The following CEPT1 variants were observed in gnomAD, a reference collection of about 807,000 sequenced individuals.
The protein encoded by CEPT1 is choline/ethanolaminephosphotransferase 1.
CEPT1 carries 7 observed loss-of-function variants against 42.6 expected under a neutral mutation model. The observed-to-expected ratio is 0.16, with a 90% CI of 0.09 to 0.31. The LOEUF (loss-of-function observed/expected upper bound fraction) is 0.31, where lower values mean the gene tolerates loss of function less well. Ranked by LOEUF, CEPT1 falls within the 10% of genes least tolerant of loss-of-function variation. The probability of loss-of-function intolerance (pLI) is 1.00; values close to 1 mark genes in which losing one functional copy is unlikely to be tolerated. For synonymous variants in CEPT1, 171 were observed against 171.9 expected (o/e 0.99, Z 0.04); for missense variants, 306 against 502.1 (o/e 0.61, Z 3.73).
Position 111,147,803 on chromosome 1 carries a change from G to A in CEPT1, c.89G>A (p.Cys30Tyr). ...VGFGHMSTTG[C>Y]VLNKLFQLPT... ...TTCGGGCATATGAGTACTACAGGAT[G>A]TGTATTAAATAAATTGTTTCAGTTA... The change falls in exon 2 of 9, where the codon TGT becomes TAT. Residue 30 changes from cysteine (C) to tyrosine (Y), a missense_variant. Cys to Tyr is a radical substitution (Grantham distance 194, BLOSUM62 -2). Coordinates refer to ENST00000357172, the MANE Select transcript of CEPT1 (RefSeq NM_006090.5). 1 of 1,614,104 alleles carries A rather than the reference G, an allele frequency of 6.2e-7. No individual in the cohort carries two copies. Among genetic ancestry groups the A allele is most frequent in the Non-Finnish European group, 8.5e-7 (1 of 1,180,010 alleles).
chr1:111,150,598 A>G (rs1047196497), intron 2 of CEPT1, among the ~76,000 whole-genome samples: 2 of 152,150 alleles, frequency 1.3e-5, no homozygotes, highest in Non-Finnish European at 2.9e-5. Context: ...TTTCATGTCT[A>G]CATGTATAGT....
At chr1:111,165,072 C>G (rs1445930221) in intron 4 of CEPT1, among the ~76,000 whole-genome samples, 1 of 91,690 alleles carries the variant, frequency 1.1e-5, no homozygotes, top group African/African-American at 4.5e-5. Flanking sequence ...TTTTTTGAGA[C>G]GGAGTCTCAC....
chr1:111,183,725 CTG>C (rs1657111846), intron 8 of CEPT1, 138 bp downstream of exon 8: 1 of 929,486 alleles, frequency 1.1e-6, no homozygotes, highest in Admixed American at 2.3e-5. Context: ...ATAAATGGGG[CTG>C]TGTGAGAGTT....
chr1:111,140,962 C>T (rs971389834), intron 1 of CEPT1, among the ~76,000 whole-genome samples: 7 of 152,204 alleles, frequency 4.6e-5, no homozygotes, highest in African/African-American at 1.7e-4. Context: ...TGAACGGGAT[C>T]TTTAGCCATG....
intron 1 of CEPT1, among the ~76,000 whole-genome samples, chr1:111,145,758 G>A (rs1182449074): frequency 6.6e-6 from 1 of 152,222 alleles, no homozygotes; most frequent in Non-Finnish European, 1.5e-5. Context: ...GGCAGCAGGA[G>A]CACCATGTTG....
intron 1 of CEPT1, among the ~76,000 whole-genome samples, chr1:111,146,613 C>G (rs1654982132): frequency 1.3e-5 from 2 of 152,096 alleles, no homozygotes; most frequent in South Asian, 4.1e-4. Context: ...GATCACTGTA[C>G]TTACTAATTT....
chr1:111,161,043 G>A, intron 3 of CEPT1, 112 bp from the exon 4 acceptor site: 5 of 1,050,980 alleles, frequency 4.8e-6, no homozygotes, highest in Non-Finnish European at 7.3e-6. Context: ...ATAGATAACT[G>A]AGAGAAGATT....
At chr1:111,140,513 C>T (rs1488035316) in intron 1 of CEPT1, 3 of 151,826 alleles carry the variant, frequency 2.0e-5, no homozygotes, top group Non-Finnish European at 4.4e-5. Context: ...GCCCCCTTGC[C>T]CCTCTGTGGA....
At chr1:111,182,700 C>T in intron 6 of CEPT1, 99 bp from the exon 7 acceptor site, 2 of 1,099,802 alleles carry the variant, frequency 1.8e-6, no homozygotes, top group South Asian at 3.5e-5. Context: ...CCATGAGGTT[C>T]CTGAAAGTTT....
In CEPT1 at chr1:111,171,002, A is replaced by G. The variant is rs75234664; in HGVS notation, c.630-3877A>G. Among the ~76,000 whole-genome samples the G allele has an allele frequency of 8.1e-3, 1,227 of 152,326 alleles. 16 individuals are homozygous for G. The highest frequency in any genetic ancestry group is 0.028 in the African/African-American group (1,173 of 41,582). ...AACTGCAAGTGTATCTTTGAAATGC[A>G]TATGTCACATGTAGAAGAACAATAG... On this transcript the variant is annotated intron_variant, in intron 4 of 8. Coordinates refer to ENST00000357172, the MANE Select transcript of CEPT1 (RefSeq NM_006090.5).
rs769589248 is a variant in CEPT1 at position 111,161,255 on chromosome 1, G to T, written c.588G>T (p.Ala196=). The change falls in exon 4 of 9, where the codon GCG becomes GCT. Residue 196 remains alanine (A), a synonymous_variant. Coordinates refer to ENST00000357172, the MANE Select transcript of CEPT1 (RefSeq NM_006090.5). ...CGGGGACATTTATGTTCTATTGTGC[G>T]CACTGGCAAACGTATGTTTCTGGAA... ...CFAGTFMFYC[A]HWQTYVSGTL... 2 of 1,613,448 alleles carry T rather than the reference G, an allele frequency of 1.2e-6. No individual in the cohort carries two copies. The highest frequency in any genetic ancestry group is 8.5e-7 in the Non-Finnish European group (1 of 1,179,802).
intron 4 of CEPT1, among the ~76,000 whole-genome samples, chr1:111,162,595 A>T (rs1475195786): frequency 1.3e-5 from 2 of 152,214 alleles, no homozygotes; most frequent in Non-Finnish European, 2.9e-5. Flanking sequence ...AACTTAGAGA[A>T]CAAGCTTAGA....
intron 2 of CEPT1, among the ~76,000 whole-genome samples, chr1:111,154,665 T>C (rs1002867236): frequency 2.0e-5 from 3 of 152,190 alleles, no homozygotes; most frequent in African/African-American, 4.8e-5. Context: ...GTTTCTTGTA[T>C]GCATAATTTG....
At chr1:111,148,876 GT>G (rs1432749080) in intron 2 of CEPT1, among the ~76,000 whole-genome samples, 1 of 152,214 alleles carries the variant, frequency 6.6e-6, no homozygotes, top group Non-Finnish European at 1.5e-5. Flanking sequence ...AGACTGATCA[GT>G]TTCTGGTAAT....
At chr1:111,176,048 C>T (rs1254048445) in intron 5 of CEPT1, among the ~76,000 whole-genome samples, 1 of 152,158 alleles carries the variant, frequency 6.6e-6, no homozygotes, top group South Asian at 2.1e-4. Flanking sequence ...AATTGATACA[C>T]TACCCACAGT....
chr1:111,164,867 C>T (rs1656056452), intron 4 of CEPT1, among the ~76,000 whole-genome samples: 1 of 151,654 alleles, frequency 6.6e-6, no homozygotes, highest in Non-Finnish European at 1.5e-5. Flanking sequence ...TCGTGATCTG[C>T]CCACCTTGGC....
Position 111,143,947 on chromosome 1 carries a change from C to G in CEPT1, c.-74+3640C>G, listed in dbSNP as rs574313435. 1.7e-4 allele frequency among the ~76,000 whole-genome samples: 26 copies of G among 152,304 alleles called. 1 individual carries two copies. In the South Asian group the frequency reaches 4.3e-3, roughly 25 times the overall value. On this transcript the variant is annotated intron_variant, in intron 1 of 8. Transcript: ENST00000357172. ...GTTTTGCTATGTTTCCTAGGCTGGTCTTAAACTCCTGAGCTCAGGTGATCC... is the reference window on the plus strand; with the variant it reads ...GTTTTGCTATGTTTCCTAGGCTGGTGTTAAACTCCTGAGCTCAGGTGATCC...
At chr1:111,154,359 T>C (rs1655450157) in intron 2 of CEPT1, among the ~76,000 whole-genome samples, 2 of 152,136 alleles carry the variant, frequency 1.3e-5, no homozygotes, top group South Asian at 4.1e-4. Context: ...CTTGCATCTT[T>C]ACTGAATTTA....
intron 1 of CEPT1, chr1:111,143,505 A>G (rs1654781296): frequency 6.6e-6 from 1 of 152,186 alleles, no homozygotes; most frequent in African/African-American, 2.4e-5. Context: ...TGTCAGCCTC[A>G]TTCACTGCAT....
Sources: gnomAD v4.1 joint callset for allele counts (sites outside exome capture counted in the v4.1 genomes callset) on GRCh38, gnomAD v4.1.1 for gene constraint, MANE v1.5 for transcripts, NCBI Gene and HGNC (gene_info 2026-07-23, HGNC 2026-07-21) for gene names.